The following HMX1 variants were observed in gnomAD, a reference collection of about 807,000 sequenced individuals.
HMX1 encodes the protein homeobox protein HMX1.
In HMX1, 8 loss-of-function variants were observed where a neutral mutation model predicts 8.9. The observed-to-expected ratio is 0.90, with a 90% CI of 0.53 to 1.63. HMX1 has a LOEUF of 1.63. Among genes scored for constraint, HMX1 ranks in the 40% most tolerant of loss-of-function variants. The pLI, the probability that HMX1 is intolerant of heterozygous loss-of-function variation, is 0.00. For synonymous variants in HMX1, 311 were observed against 283.4 expected (o/e 1.10, Z -0.98); for missense variants, 621 against 558.5 (o/e 1.11, Z -1.13).
Position 8,868,202 on chromosome 4 carries a change from A to T in HMX1, c.538T>A (p.Ser180Thr). ...GCCGCAGGGACCTCGGCCAGCTCCG[A>T]CGCCTCCTCCGTGCCGGCCGCCGGG... is the stretch of plus-strand genomic sequence containing the variant. ...RGPAAGTEEA[S>T]ELAEVPAAAG... Residue 180 changes from serine to threonine, a missense_variant, in exon 2 of 2, where the codon TCG (serine) becomes ACG (threonine). Transcript: ENST00000400677. This position sits in a 1 kb window ranked among gnomAD's most constrained non-coding sequence, Gnocchi z 4.6. 2 of 1,467,732 alleles carry T rather than the reference A, an allele frequency of 1.4e-6. No homozygotes were observed. Among genetic ancestry groups the T allele is most frequent in the South Asian group, 2.6e-5 (2 of 76,268 alleles). The allele number at this position is 1,467,732 out of a possible 1,614,324, so 90.9% of individuals were successfully genotyped here.
At position 8,867,680 on chromosome 4, in the gene HMX1, C is replaced by T. The variant is rs1318357850; in HGVS notation, c.*13G>A. 1 of 1,242,390 alleles carries T rather than the reference C, an allele frequency of 8.0e-7. No individual in the cohort carries two copies. Among genetic ancestry groups the T allele is most frequent in the Non-Finnish European group, 1.0e-6 (1 of 994,382 alleles). The allele number at this position is 1,242,390 out of a possible 1,614,324, so 77.0% of individuals were successfully genotyped here. ...TCCACAGGGTCGTGGGGAGAGGGCC[C>T]GGCAGGCGGGGCTCACACCAGGCCA... On this transcript the variant is annotated 3_prime_UTR_variant, in exon 2 of 2. Coordinates refer to ENST00000400677, the MANE Select transcript of HMX1 (RefSeq NM_018942.3).
chr4:8,861,811 C>A (rs1721835668), intron 1 of HMX1, among the ~76,000 whole-genome samples: 1 of 152,252 alleles, frequency 6.6e-6, no homozygotes, highest in Non-Finnish European at 1.5e-5. Flanking sequence ...GCGCACCTTT[C>A]GCGTGGGTCG....
rs577662270 is a variant in HMX1, at chr4:8,853,297, G to A, written c.395-6973C>T. 3.3e-5 allele frequency among the ~76,000 whole-genome samples: 5 copies of A among 152,270 alleles called. No homozygotes were observed. Among genetic ancestry groups the A allele is most frequent in the East Asian group, 1.9e-4 (1 of 5,168 alleles). ...ACCAGGGACCTGGCTCCTTCTATCC[G>A]AGGCTCTGCTTTGCTGTAACTAAAT... On this transcript the variant is annotated intron_variant, in intron 1 of 1. Transcript: ENST00000506970. The surrounding 1 kb of genome is among the most constrained non-coding windows in gnomAD (Gnocchi z 4.7).
At chr4:8,865,635 T>C (rs1721971563), downstream of HMX1, among the ~76,000 whole-genome samples, 1 of 151,292 alleles carries the variant, frequency 6.6e-6, no homozygotes, top group Non-Finnish European at 1.5e-5. Context: ...GGGTGCGAGG[T>C]CTAGAGGGCC....
chr4:8,868,631 C>T lies in HMX1; in HGVS notation c.395-286G>A, dbSNP rs1722111814. Among the ~76,000 whole-genome samples, 1 of 152,086 alleles carries T rather than the reference C, an allele frequency of 6.6e-6. No individual in the cohort carries two copies. The highest frequency in any genetic ancestry group is 2.1e-4 in the South Asian group (1 of 4,820). On this transcript the variant is annotated intron_variant, in intron 1 of 1. Transcript: ENST00000400677. This position sits in a 1 kb window ranked among gnomAD's most constrained non-coding sequence, Gnocchi z 4.6. Reference sequence around the variant, plus strand: ...CATGCCAGAGGACAACAAAGGGATGCAGAGCAAAGAAAAGAAACAAAAATA... The same window carrying T: ...CATGCCAGAGGACAACAAAGGGATGTAGAGCAAAGAAAAGAAACAAAAATA...
chr4:8,865,089 G>A (rs947839278), downstream of HMX1, among the ~76,000 whole-genome samples: 3 of 152,116 alleles, frequency 2.0e-5, no homozygotes, highest in Non-Finnish European at 2.9e-5. Context: ...CTGGTGGCCC[G>A]GAGTCAGGTG....
At chr4:8,854,187 G>A (rs985617538) in intron 1 of HMX1, among the ~76,000 whole-genome samples, 1 of 152,138 alleles carries the variant, frequency 6.6e-6, no homozygotes, top group Non-Finnish European at 1.5e-5. Flanking sequence ...GTGGGGGGTC[G>A]ACAGATCCTG....
Position 8,849,041 on chromosome 4 carries a change from G to A in HMX1, c.395-2717C>T, listed in dbSNP as rs1244801104. Among the ~76,000 whole-genome samples the A allele has an allele frequency of 6.6e-6, 1 of 152,112 alleles. No individual in the cohort carries two copies. Among genetic ancestry groups the A allele is most frequent in the Non-Finnish European group, 1.5e-5 (1 of 68,032 alleles). ...CGTGGGGGTGGAGACCCGGCTGAGG[G>A]GGGTGGGCCTCCTCCCCCTGCCCGC... On this transcript the variant is annotated intron_variant, in intron 1 of 1. Coordinates refer to the HMX1 transcript ENST00000506970. The surrounding 1 kb of genome is among the most constrained non-coding windows in gnomAD (Gnocchi z 6.6).
chr4:8,867,867 C>T lies in HMX1; in HGVS notation c.873G>A (p.Pro291=), dbSNP rs1722062814. The change falls in exon 2 of 2, where the codon CCG becomes CCA. Residue 291 remains proline (P), a synonymous_variant. Transcript: ENST00000400677. ...CCGGGGGCCCAGCGGCGGCTGCGGC[C>T]GGGGGGCTTTCGTGGTAGAGCACCG... The part of the protein sequence containing the change: ...RVPVLYHESP[P]AAAAAGPPAT... 2 of 1,261,942 alleles carry T rather than the reference C, an allele frequency of 1.6e-6. No homozygotes were observed. Among genetic ancestry groups the T allele is most frequent in the Non-Finnish European group, 2.0e-6 (2 of 1,005,644 alleles). 78.2% of individuals were successfully genotyped at this position (1,261,942 alleles called of 1,614,324 possible).
chr4:8,866,235 T>C (rs913444203), downstream of HMX1, among the ~76,000 whole-genome samples: 5 of 152,206 alleles, frequency 3.3e-5, no homozygotes, highest in Admixed American at 1.3e-4. Flanking sequence ...CTTGGCCGTC[T>C]GGCGCTACCT....
intron 1 of HMX1, chr4:8,846,393 A>G: frequency 8.1e-7 from 1 of 1,237,912 alleles, no homozygotes; most frequent in Non-Finnish European, 1.1e-6. Flanking sequence ...CTAATCCTGG[A>G]TGCTCCACTG....
At chr4:8,866,906 G>A (rs1722015995), downstream of HMX1, 1 of 184,534 alleles carries the variant, frequency 5.4e-6, no homozygotes, top group South Asian at 1.9e-4. Flanking sequence ...CCTCCGACTA[G>A]GGTCTGCCCT....
At chr4:8,859,540 A>G (rs1380218887) in intron 1 of HMX1, among the ~76,000 whole-genome samples, 1 of 152,068 alleles carries the variant, frequency 6.6e-6, no homozygotes, top group South Asian at 2.1e-4. Context: ...GAAGAGGGAG[A>G]GGAGGATTGA....
chr4:8,864,028 C>T (rs929271777), downstream of HMX1, among the ~76,000 whole-genome samples: 5 of 152,210 alleles, frequency 3.3e-5, no homozygotes, highest in African/African-American at 1.2e-4. Context: ...GATTTCCCAC[C>T]TCTCAGGCCA....
At position 8,868,194 on chromosome 4, in the gene HMX1, C is replaced by A; in HGVS notation, c.546G>T (p.Leu182=). ...PAAGTEEASE[L]AEVPAAAGET... ...CCCCAGCCGCCGCAGGGACCTCGGC[C>A]AGCTCCGACGCCTCCTCCGTGCCGG... The change falls in exon 2 of 2, where the codon CTG becomes CTT. Residue 182 remains leucine (L), a synonymous_variant. Coordinates refer to ENST00000400677, the MANE Select transcript of HMX1 (RefSeq NM_018942.3). This position sits in a 1 kb window ranked among gnomAD's most constrained non-coding sequence, Gnocchi z 4.6. The A allele has an allele frequency of 6.7e-7, 1 of 1,484,004 alleles. No individual in the cohort carries two copies. The highest frequency in any genetic ancestry group is 2.2e-5 in the Admixed American group (1 of 45,226). The allele number at this position is 1,484,004 out of a possible 1,614,324, so 91.9% of individuals were successfully genotyped here.
At chr4:8,866,719 G>C (rs1357396084), downstream of HMX1, among the ~76,000 whole-genome samples, 5 of 152,352 alleles carry the variant, frequency 3.3e-5, no homozygotes, top group Middle Eastern at 0.01. Flanking sequence ...ACACAGCCGA[G>C]CCCCTGTGAC....
intron 1 of HMX1, among the ~76,000 whole-genome samples, chr4:8,850,815 T>C (rs1721423857): frequency 6.6e-6 from 1 of 152,154 alleles, no homozygotes; most frequent in Admixed American, 6.5e-5. Context: ...GCATCTCTCC[T>C]GCTGGACCCA....
rs1721385793 is a variant in HMX1, at chr4:8,849,700, G to C, written c.395-3376C>G. On this transcript the variant is annotated intron_variant, in intron 1 of 1. Transcript: ENST00000506970. The surrounding 1 kb of genome is among the most constrained non-coding windows in gnomAD (Gnocchi z 6.6). Reference sequence around the variant, plus strand: ...TCTTCAACTGTCATCAGGCCCATGTGGATGCAACCCCAGGGGTTTTTCTCC... The same window carrying C: ...TCTTCAACTGTCATCAGGCCCATGTCGATGCAACCCCAGGGGTTTTTCTCC... Among the ~76,000 whole-genome samples, 1 of 152,212 alleles carries C rather than the reference G, an allele frequency of 6.6e-6. No homozygotes were observed. The highest frequency in any genetic ancestry group is 2.4e-5 in the African/African-American group (1 of 41,458).
At chr4:8,864,043 C>T (rs1721915294), downstream of HMX1, among the ~76,000 whole-genome samples, 1 of 152,188 alleles carries the variant, frequency 6.6e-6, no homozygotes, top group African/African-American at 2.4e-5. Flanking sequence ...AGGCCAGCTC[C>T]AGTGGGGATT....
Sources: allele counts gnomAD v4.1 joint callset (sites outside exome capture counted in the v4.1 genomes callset), GRCh38; gene constraint gnomAD v4.1.1; non-coding constraint Gnocchi (gnomAD v3.1); transcripts MANE v1.5; gene names NCBI Gene and HGNC (gene_info 2026-07-23, HGNC 2026-07-21).